Variants in TMEM219 observed in about 807,000 individuals in gnomAD.
TMEM219 encodes the protein transmembrane protein 219.
TMEM219 carries 18 observed loss-of-function variants against 17.9 expected under a neutral mutation model. That is an observed-to-expected ratio of 1.01 (90% CI 0.70 to 1.49). The LOEUF (loss-of-function observed/expected upper bound fraction) is 1.49, where lower values mean the gene tolerates loss of function less well. Ranked by LOEUF, TMEM219 falls within the 40% of genes most tolerant of loss-of-function variation. The pLI is 0.00. For synonymous variants in TMEM219, 113 were observed against 124.0 expected (o/e 0.91, Z 0.59); for missense variants, 288 against 292.4 (o/e 0.99, Z 0.11).
chr16:29,963,041 C>T, intron 1 of TMEM219, 66 bp from the exon 2 acceptor site: 1 of 1,401,168 alleles, frequency 7.1e-7, no homozygotes, highest in Non-Finnish European at 9.8e-7. Flanking sequence ...TTTGTCTTCT[C>T]TGAGCTTTCT....
intron 1 of TMEM219, chr16:29,962,857 C>T (rs1017302866): frequency 2.3e-6 from 1 of 433,888 alleles, no homozygotes; most frequent in African/African-American, 2.0e-5. Flanking sequence ...AGAAGTCTCC[C>T]TTTCAGTTTC....
intron 2 of TMEM219, 38 bp downstream of exon 2, chr16:29,963,346 C>A: frequency 6.2e-7 from 1 of 1,613,904 alleles, no homozygotes. Context: ...TTCCTTCCAA[C>A]CTAGACAGGC....
Position 29,963,107 on chromosome 16 carries a change from C to A in TMEM219, c.-37C>A, listed in dbSNP as rs762410368. 1 of 1,601,760 alleles carries A rather than the reference C, an allele frequency of 6.2e-7. No individual in the cohort carries two copies. The highest frequency in any genetic ancestry group is 8.5e-7 in the Non-Finnish European group (1 of 1,177,162). On this transcript the variant is annotated splice_region_variant and 5_prime_UTR_variant, in exon 2 of 6. Transcript: ENST00000279396. ...CCCATTCTCCCTCCCTGTCTTCCAG[C>A]AGGCTCTCCCCGGAGGCTCAGCCCC... is the stretch of plus-strand genomic sequence containing the variant.
At chr16:29,969,527 T>A (rs76957341) in intron 4 of TMEM219, among the ~76,000 whole-genome samples, 94 of 151,860 alleles carry the variant, frequency 6.2e-4, no homozygotes, top group Admixed American at 1.3e-3. Flanking sequence ...TTTTTTTTTT[T>A]AATTAGCAGG....
intron 5 of TMEM219, among the ~76,000 whole-genome samples, chr16:29,972,444 G>T (rs1223564548): frequency 6.6e-6 from 1 of 152,132 alleles, no homozygotes; most frequent in African/African-American, 2.4e-5. Context: ...GGGTCATGTT[G>T]GTTAACCAGT....
chr16:29,967,386 A>G (rs895089549), intron 3 of TMEM219, among the ~76,000 whole-genome samples: 2 of 152,166 alleles, frequency 1.3e-5, no homozygotes, highest in African/African-American at 4.8e-5. Context: ...GGGTAGCAGG[A>G]TGGCTTGAGC....
chr16:29,971,330 C>G, intron 4 of TMEM219, 78 bp from the exon 5 acceptor site: 1 of 1,543,242 alleles, frequency 6.5e-7, no homozygotes, highest in South Asian at 1.1e-5. Flanking sequence ...AGAGCCCTCT[C>G]CCTCATGGAG....
rs373141733 is a variant in TMEM219, at chr16:29,966,361, ATATAT to A, written c.356-1659_356-1655del. On this transcript the variant is annotated intron_variant, in intron 3 of 5. Coordinates refer to ENST00000279396, the MANE Select transcript of TMEM219 (RefSeq NM_001083613.2). ...AGATAGTAAACCTTTTGTCATTTAAATATATTATAGGTATTTTCAATATGTTACTT... is the reference window on the plus strand; with the variant it reads ...AGATAGTAAACCTTTTGTCATTTAAATATAGGTATTTTCAATATGTTACTT... Among the ~76,000 whole-genome samples, 50 of 152,132 alleles carry A rather than the reference ATATAT, an allele frequency of 3.3e-4. No individual in the cohort carries two copies. The East Asian group carries it at 7.7e-3, about 23-fold the overall frequency.
chr16:29,970,756 A>C (rs1383726137), intron 4 of TMEM219, among the ~76,000 whole-genome samples: 9 of 152,130 alleles, frequency 5.9e-5, no homozygotes, highest in Non-Finnish European at 4.4e-5. Flanking sequence ...CCTGGGCAAC[A>C]TGGTGAAACC....
intron 4 of TMEM219, among the ~76,000 whole-genome samples, chr16:29,969,279 C>T (rs544074152): frequency 1.3e-5 from 2 of 149,432 alleles, no homozygotes; most frequent in East Asian, 4.0e-4. Flanking sequence ...TCACTGCAAG[C>T]TCCACCTCAC....
intron 5 of TMEM219, among the ~76,000 whole-genome samples, chr16:29,972,297 C>T (rs1410055964): frequency 6.6e-6 from 1 of 152,214 alleles, no homozygotes; most frequent in Non-Finnish European, 1.5e-5. Context: ...TACTCATTTA[C>T]TGGGGACATA....
rs777439565 is a variant in TMEM219, at chr16:29,968,065, G to T, written c.396G>T (p.Val132=). ...AGQLVLITAR[V]TTERTAGTCL... ...AACTGGTCCTTATCACAGCCAGGGT[G>T]ACCACAGAAAGGACTGCAGGAACCT... The change falls in exon 4 of 6, where the codon GTG becomes GTT. Residue 132 remains valine, a synonymous_variant. Coordinates refer to ENST00000279396, the MANE Select transcript of TMEM219 (RefSeq NM_001083613.2). 6.2e-7 allele frequency: 1 copy of T among 1,614,022 alleles called. No homozygotes were observed.
In TMEM219 at chr16:29,963,270, A is replaced by T. The variant is rs1342706116; in HGVS notation, c.127A>T (p.Thr43Ser). The change falls in exon 2 of 6, where the codon ACC (threonine) becomes TCC (serine). Residue 43 changes from threonine (T) to serine (S), a missense_variant. Physicochemically the swap from Thr to Ser is moderately conservative, Grantham distance 58. Transcript: ENST00000279396. ...SGLGLGSFLLTHRTGLRSPDI... is the reference protein window; with the variant it reads ...SGLGLGSFLLSHRTGLRSPDI... ...CCTGGGCCTTGGCAGCTTCCTCCTC[A>T]CCCACAGGACTGGCCTGCGCAGCCC... 1 of 1,613,300 alleles carries T rather than the reference A, an allele frequency of 6.2e-7. No homozygotes were observed. The highest frequency in any genetic ancestry group is 2.2e-5 in the East Asian group (1 of 44,830).
intron 1 of TMEM219, 22 bp from the exon 2 acceptor site, chr16:29,963,085 A>G (rs1181570871): frequency 2.5e-5 from 39 of 1,586,468 alleles, no homozygotes; most frequent in Non-Finnish European, 3.3e-5. Context: ...CTCTTGTCCC[A>G]TTCTCCCTCC....
At chr16:29,964,793 C>T (rs567564832) in intron 3 of TMEM219, among the ~76,000 whole-genome samples, 1 of 152,226 alleles carries the variant, frequency 6.6e-6, no homozygotes, top group East Asian at 1.9e-4. Context: ...TTGGGCACAT[C>T]CCTGGACTTT....
chr16:29,965,744 C>T (rs937980934), intron 3 of TMEM219, among the ~76,000 whole-genome samples: 1 of 151,772 alleles, frequency 6.6e-6, no homozygotes, highest in Non-Finnish European at 1.5e-5. Flanking sequence ...TCACCTAATT[C>T]CCGCCCCCCA....
At chr16:29,969,506 TA>T (rs1370283917) in intron 4 of TMEM219, among the ~76,000 whole-genome samples, 1 of 151,492 alleles carries the variant, frequency 6.6e-6, no homozygotes, top group Non-Finnish European at 1.5e-5. Context: ...CCCCATTTCT[TA>T]AAAAAAACAT....
chr16:29,965,425 G>T (rs555579808), intron 3 of TMEM219, among the ~76,000 whole-genome samples: 11 of 152,162 alleles, frequency 7.2e-5, no homozygotes, highest in African/African-American at 2.6e-4. Context: ...CCCATTGAAA[G>T]TGTACAGTTA....
chr16:29,970,985 G>A (rs1054416646), intron 4 of TMEM219, among the ~76,000 whole-genome samples: 60 of 150,828 alleles, frequency 4.0e-4, no homozygotes, highest in African/African-American at 1.5e-3. Context: ...GGTGTTTCAC[G>A]CCTGTAATCC....
Sources: allele counts gnomAD v4.1 joint callset (sites outside exome capture counted in the v4.1 genomes callset), GRCh38; gene constraint gnomAD v4.1.1; transcripts MANE v1.5; gene names NCBI Gene and HGNC (gene_info 2026-07-23, HGNC 2026-07-21).